The following GABRQ variants were observed in gnomAD, a reference collection of about 807,000 sequenced individuals.
GABRQ encodes the protein gamma-aminobutyric acid type A receptor subunit theta.
In GABRQ, 19 loss-of-function variants were observed where a neutral mutation model predicts 30.5. That is an observed-to-expected ratio of 0.62 (90% confidence interval 0.43 to 0.91). The LOEUF is 0.91. Among genes scored for constraint, GABRQ ranks in the 40% least tolerant of loss-of-function variants. GABRQ has a pLI of 0.00. For missense variants in GABRQ, 520 were observed against 521.4 expected, an observed-to-expected ratio of 1.00 and a Z score of 0.03; for synonymous variants, 187 against 210.2, an observed-to-expected ratio of 0.89 and a Z score of 0.95.
rs1930647710 is a variant in GABRQ at position 152,637,932 on chromosome X, C to A, written c.-271C>A. The stretch of plus-strand genomic sequence containing the variant: ...GAGCGGCCGCAGACGGAGCGCACCT[C>A]GCAGCTGCCGGGCGGGCCCTGGGGG... On this transcript the variant is annotated 5_prime_UTR_variant, in exon 1 of 9. Coordinates refer to ENST00000598523, the MANE Select transcript of GABRQ (RefSeq NM_018558.4). 8.8e-6 allele frequency among the ~76,000 whole-genome samples: 1 copy of A among 113,392 alleles called. No homozygotes were observed. Among genetic ancestry groups the A allele is most frequent in the African/African-American group, 3.2e-5 (1 of 31,293 alleles).
intron 3 of GABRQ, 45 bp from the exon 4 acceptor site, chrX:152,646,903 C>A (rs1288098475): frequency 1.1e-6 from 1 of 951,263 alleles, no homozygotes; most frequent in African/African-American, 1.9e-5. Flanking sequence ...GGATGGAGCT[C>A]TGGACAACCA....
chrX:152,649,275 C>T lies in GABRQ; in HGVS notation c.552C>T (p.Ser184=), dbSNP rs781983941. ...GIRLTTTAAC[S]LDLHKFPMDK... The stretch of plus-strand genomic sequence containing the variant: ...GACTCACCACTACAGCAGCTTGTTC[C>T]CTGGATCTGCATAAATTCCCTATGG... The change falls in exon 5 of 9, where the codon TCC becomes TCT. Residue 184 remains serine (S), a synonymous_variant. Transcript: ENST00000598523. 4.4e-5 allele frequency: 53 copies of T among 1,194,743 alleles called. No homozygotes were observed. The highest frequency in any genetic ancestry group is 5.9e-5 in the Non-Finnish European group (52 of 881,449).
Position 152,640,370 on chromosome X carries a change from T to C in GABRQ, c.150-8T>C. The stretch of plus-strand genomic sequence containing the variant: ...AACCGGCATTTACTTATGACTTCTC[T>C]GTTTCAGCAAAAATTGTGCAAATGA... On this transcript the variant is annotated splice_polypyrimidine_tract_variant and splice_region_variant and intron_variant, in intron 1 of 8. Transcript: ENST00000598523. 1 of 1,177,632 alleles carries C rather than the reference T, an allele frequency of 8.5e-7. No individual in the cohort carries two copies. Among genetic ancestry groups the C allele is most frequent in the Non-Finnish European group, 1.2e-6 (1 of 864,108 alleles).
chrX:152,641,266 A>G (rs782256185), intron 2 of GABRQ, among the ~76,000 whole-genome samples: 1 of 112,498 alleles, frequency 8.9e-6, no homozygotes, highest in South Asian at 3.7e-4. Flanking sequence ...CAAACGCAGC[A>G]TTCTCTAGCC....
rs781994330 is a variant in GABRQ, at chrX:152,651,777, G to A, written c.1153G>A (p.Val385Met). 7.4e-6 allele frequency: 9 copies of A among 1,210,093 alleles called. No individual in the cohort carries two copies. Among genetic ancestry groups the A allele is most frequent in the East Asian group, 5.9e-5 (2 of 33,826 alleles). Residue 385 changes from valine to methionine, a missense_variant, in exon 8 of 9, where the codon GTG (valine) becomes ATG (methionine). Physicochemically the swap from Val to Met is conservative, Grantham distance 21. Transcript: ENST00000598523. ...CTACCAGCAAGTGGTGGTAGGAAACGTGCAGGTTTGACTTTTTGACTGACA... is the reference window on the plus strand; with the variant it reads ...CTACCAGCAAGTGGTGGTAGGAAACATGCAGGTTTGACTTTTTGACTGACA... The part of the protein sequence containing the change: ...YRYQQVVVGN[V>M]QDGLINVEDG...
intron 2 of GABRQ, among the ~76,000 whole-genome samples, chrX:152,642,250 C>T (rs782718507): frequency 6.3e-5 from 7 of 111,653 alleles, no homozygotes; most frequent in South Asian, 3.8e-4. Flanking sequence ...AGGCAGTCAG[C>T]GCCTGGGGAC....
At chrX:152,652,207 A>G (rs1327301502) in intron 8 of GABRQ, among the ~76,000 whole-genome samples, 1 of 112,823 alleles carries the variant, frequency 8.9e-6, no homozygotes, top group Admixed American at 9.3e-5. Flanking sequence ...GCAGTATGTT[A>G]ATGCCCAGCT....
chrX:152,639,701 C>T (rs1930706175), intron 1 of GABRQ, among the ~76,000 whole-genome samples: 1 of 111,762 alleles, frequency 8.9e-6, no homozygotes, highest in Non-Finnish European at 1.9e-5. Context: ...AGCTCTGAGC[C>T]CCAAGAATCT....
chrX:152,653,254 T>C lies in GABRQ; in HGVS notation c.1872T>C (p.Ile624=). ...LFPLAFGLFN[I]VYWVYHMY is the part of the protein sequence containing the mutation. ...CTCTGGCCTTTGGGTTGTTCAACAT[T>C]GTTTACTGGGTATACCATATGTATT... is the stretch of plus-strand genomic sequence containing the variant. Residue 624 remains isoleucine, a synonymous_variant, in exon 9 of 9, where the codon ATT becomes ATC. Transcript: ENST00000598523. The C allele has an allele frequency of 1.7e-6, 2 of 1,204,931 alleles. No individual in the cohort carries two copies. Among genetic ancestry groups the C allele is most frequent in the South Asian group, 1.8e-5 (1 of 56,695 alleles).
chrX:152,642,225 G>A (rs1602815656), intron 2 of GABRQ, among the ~76,000 whole-genome samples: 1 of 111,809 alleles, frequency 8.9e-6, no homozygotes, highest in East Asian at 2.8e-4. Context: ...ACCAGTTGAT[G>A]GGATAGCTGG....
chrX:152,658,619 G>A (rs782109338), downstream of GABRQ, among the ~76,000 whole-genome samples: 2 of 112,120 alleles, frequency 1.8e-5, no homozygotes, highest in South Asian at 7.5e-4. Flanking sequence ...CCACTGGATG[G>A]GAGCAGCCCC....
chrX:152,644,853 A>G lies in GABRQ; in HGVS notation c.239-674A>G, dbSNP rs781873614. On this transcript the variant is annotated intron_variant, in intron 2 of 8. Transcript: ENST00000598523. ...ACACATTCACTCTCACACACAGACA[A>G]GCTCACAAACATGCACGGTCATACC... Among the ~76,000 whole-genome samples the G allele has an allele frequency of 2.7e-5, 3 of 111,558 alleles. No individual in the cohort carries two copies. In the East Asian group the frequency reaches 8.4e-4, roughly 31 times the overall value.
In GABRQ at chrX:152,653,127, G is replaced by C. The variant is rs782112494; in HGVS notation, c.1745G>C (p.Cys582Ser). Reference protein sequence around the residue: ...KDSSSESEDSCPPSPGCSFTE... With the variant: ...KDSSSESEDSSPPSPGCSFTE... The stretch of plus-strand genomic sequence containing the variant: ...AGTAGCTCAGAGTCTGAGGATAGTT[G>C]CCCCCCAAGCCCTGGGTGCTCCTTC... The change falls in exon 9 of 9, where the codon TGC (cysteine) becomes TCC (serine). Residue 582 changes from cysteine to serine, a missense_variant. By Grantham distance (112) the Cys-to-Ser change is moderately radical. Coordinates refer to ENST00000598523, the MANE Select transcript of GABRQ (RefSeq NM_018558.4). 1 of 1,209,407 alleles carries C rather than the reference G, an allele frequency of 8.3e-7. No homozygotes were observed. The highest frequency in any genetic ancestry group is 1.7e-5 in the African/African-American group (1 of 57,265).
intron 6 of GABRQ, 123 bp downstream of exon 6, chrX:152,650,002 A>G: frequency 1.9e-6 from 1 of 532,453 alleles, no homozygotes; most frequent in Non-Finnish European, 3.1e-6. Context: ...TACTGGTTCC[A>G]GGCCCCCTTA....
rs782543280 is a variant in GABRQ, at chrX:152,653,457, T to A, written c.*176T>A. 31 of 418,159 alleles carry A rather than the reference T, an allele frequency of 7.4e-5. No individual in the cohort carries two copies. Among genetic ancestry groups the A allele is most frequent in the Non-Finnish European group, 8.2e-5 (20 of 243,719 alleles). 34.5% of individuals were successfully genotyped at this position (418,159 alleles called of 1,213,427 possible). A position where few individuals can be genotyped will look rare whatever the true frequency, so the allele number is the denominator to read the frequency against. ...GGGAGTAATTGGAAAGAACATGTTC[T>A]AGCTGGAAGGGAAGGGATTGAGGAG... On this transcript the variant is annotated 3_prime_UTR_variant, in exon 9 of 9. Transcript: ENST00000598523.
downstream of GABRQ, among the ~76,000 whole-genome samples, chrX:152,658,218 T>A (rs1931185380): frequency 2.7e-5 from 3 of 111,687 alleles, no homozygotes; most frequent in African/African-American, 9.8e-5. Context: ...CCTCTTCTAG[T>A]CCTGTCTCTC....
chrX:152,651,767 G>T lies in GABRQ; in HGVS notation c.1143G>T (p.Val381=). The change falls in exon 8 of 9, where the codon GTG becomes GTT. Residue 381 remains valine (V), a synonymous_variant. Coordinates refer to ENST00000598523, the MANE Select transcript of GABRQ (RefSeq NM_018558.4). ...VIARYRYQQV[V]VGNVQDGLIN... ...CCCGCTACCGCTACCAGCAAGTGGTGGTAGGAAACGTGCAGGTTTGACTTT... is the reference window on the plus strand; with the variant it reads ...CCCGCTACCGCTACCAGCAAGTGGTTGTAGGAAACGTGCAGGTTTGACTTT... 8.3e-7 allele frequency: 1 copy of T among 1,210,923 alleles called. No individual in the cohort carries two copies. The highest frequency in any genetic ancestry group is 1.1e-6 in the Non-Finnish European group (1 of 894,937).
At chrX:152,651,308 C>T (rs782581241) in intron 7 of GABRQ, among the ~76,000 whole-genome samples, 8 of 112,366 alleles carry the variant, frequency 7.1e-5, no homozygotes, top group South Asian at 3.7e-4. Flanking sequence ...CATGAAGCCA[C>T]GGCTAGAGGT....
At chrX:152,648,657 G>T (rs1027448909) in intron 4 of GABRQ, among the ~76,000 whole-genome samples, 1 of 111,629 alleles carries the variant, frequency 9.0e-6, no homozygotes, top group Non-Finnish European at 1.9e-5. Flanking sequence ...CACCGCGCCC[G>T]GCCGGATTCT....
Sources: gnomAD v4.1 joint callset for allele counts (sites outside exome capture counted in the v4.1 genomes callset) on GRCh38, gnomAD v4.1.1 for gene constraint, MANE v1.5 for transcripts, NCBI Gene and HGNC (gene_info 2026-07-23, HGNC 2026-07-21) for gene names.